The following SEMA3A variants were observed in gnomAD, a reference collection of about 807,000 sequenced individuals.
SEMA3A encodes semaphorin-3A.
SEMA3A carries 29 observed loss-of-function variants against 97.9 expected under a neutral mutation model. The observed-to-expected ratio is 0.30, with a 90% CI of 0.22 to 0.40. The LOEUF is 0.40. SEMA3A is among the 10% of genes least tolerant of loss of function. The probability of loss-of-function intolerance (pLI) is 1.00; values close to 1 mark genes in which losing one functional copy is unlikely to be tolerated. For synonymous variants in SEMA3A, 321 were observed against 323.7 expected, an observed-to-expected ratio of 0.99 and a Z score of 0.09; for missense variants, 763 against 951.3, an observed-to-expected ratio of 0.80 and a Z score of 2.60.
intron 3 of SEMA3A, among the ~76,000 whole-genome samples, chr7:84,234,435 T>C (rs189000630): frequency 1.3e-5 from 2 of 152,198 alleles, no homozygotes; most frequent in East Asian, 3.9e-4. Context: ...ACACACGATA[T>C]TCAGTTATGC....
At chr7:84,390,844 G>T (rs1008270281) in intron 1 of SEMA3A, among the ~76,000 whole-genome samples, 1 of 152,156 alleles carries the variant, frequency 6.6e-6, no homozygotes, top group Non-Finnish European at 1.5e-5. Context: ...TGGTGAATGA[G>T]GAGTTAAAAA....
At chr7:84,258,449 G>A (rs1025981933) in intron 3 of SEMA3A, among the ~76,000 whole-genome samples, 4 of 152,076 alleles carry the variant, frequency 2.6e-5, no homozygotes, top group Non-Finnish European at 4.4e-5. Context: ...GTAATCCAAA[G>A]AAAGATTTAT....
At chr7:84,368,440 C>G (rs1211138075) in intron 2 of SEMA3A, among the ~76,000 whole-genome samples, 1 of 150,848 alleles carries the variant, frequency 6.6e-6, no homozygotes, top group Non-Finnish European at 1.5e-5. Flanking sequence ...ATTTTAAAAG[C>G]AAGGTAGTTA....
At chr7:84,209,244 A>G (rs1436276972) in intron 3 of SEMA3A, among the ~76,000 whole-genome samples, 1 of 152,190 alleles carries the variant, frequency 6.6e-6, no homozygotes, top group Non-Finnish European at 1.5e-5. Flanking sequence ...TTACTCAGTG[A>G]TCCAAGTAGG....
chr7:83,975,456 A>G (rs1789105311), intron 15 of SEMA3A, among the ~76,000 whole-genome samples: 1 of 152,156 alleles, frequency 6.6e-6, no homozygotes, highest in Admixed American at 6.5e-5. Context: ...AATGTATGAC[A>G]TAAGGTATTT....
chr7:84,163,658 A>G (rs1413398279), intron 1 of SEMA3A, among the ~76,000 whole-genome samples: 1 of 152,152 alleles, frequency 6.6e-6, no homozygotes, highest in Non-Finnish European at 1.5e-5. Context: ...AATGGTATAA[A>G]TAAATATTTT....
chr7:84,218,074 T>C (rs767229043), intron 3 of SEMA3A, among the ~76,000 whole-genome samples: 5 of 152,150 alleles, frequency 3.3e-5, no homozygotes, highest in Non-Finnish European at 5.9e-5. Flanking sequence ...TGATATTTTT[T>C]GTATAATTTA....
chr7:84,260,747 T>C (rs921489218), intron 3 of SEMA3A, among the ~76,000 whole-genome samples: 2 of 152,072 alleles, frequency 1.3e-5, no homozygotes, highest in African/African-American at 4.8e-5. Context: ...TGAGGGAGGA[T>C]TGGCATAGGC....
intron 1 of SEMA3A, among the ~76,000 whole-genome samples, chr7:84,171,903 C>T (rs1297443305): frequency 1.3e-5 from 2 of 152,022 alleles, no homozygotes; most frequent in African/African-American, 2.4e-5. Context: ...CAATTCAAAC[C>T]ATATCAGGCT....
intron 4 of SEMA3A, among the ~76,000 whole-genome samples, chr7:84,068,727 C>T (rs952758943): frequency 1.3e-5 from 2 of 152,086 alleles, no homozygotes; most frequent in African/African-American, 4.8e-5. Flanking sequence ...GTTAATCAGA[C>T]AGTGCCAAGG....
intron 4 of SEMA3A, among the ~76,000 whole-genome samples, chr7:84,099,743 T>C (rs1794899288): frequency 6.6e-6 from 1 of 152,172 alleles, no homozygotes. Context: ...GATATCTTGA[T>C]GTTTTCATTT....
intron 12 of SEMA3A, among the ~76,000 whole-genome samples, chr7:83,991,962 G>C (rs1298654440): frequency 1.4e-5 from 2 of 145,782 alleles, no homozygotes; most frequent in Middle Eastern, 3.5e-3. Flanking sequence ...GACTCTTTTT[G>C]GTTGGTAAGC....
At position 84,105,492 on chromosome 7, in the gene SEMA3A, T is replaced by C. The variant is rs147994587; in HGVS notation, c.453+4978A>G. Among the ~76,000 whole-genome samples the C allele has an allele frequency of 6.5e-3, 992 of 152,288 alleles. 6 individuals carry two copies. Among genetic ancestry groups the C allele is most frequent in the African/African-American group, 0.022 (917 of 41,580 alleles). ...CCTTAGAGATAGCCATTAAGCCTCATTGCATTTCTTAATGTCCCTTTGGTT... is the reference window on the plus strand; with the variant it reads ...CCTTAGAGATAGCCATTAAGCCTCACTGCATTTCTTAATGTCCCTTTGGTT... On this transcript the variant is annotated intron_variant, in intron 4 of 16. Coordinates refer to ENST00000265362, the MANE Select transcript of SEMA3A (RefSeq NM_006080.3).
chr7:84,158,314 C>T (rs187630569), intron 1 of SEMA3A, among the ~76,000 whole-genome samples: 2 of 151,938 alleles, frequency 1.3e-5, no homozygotes, highest in Non-Finnish European at 2.9e-5. Context: ...ACCACCACAC[C>T]GGGCTAATTT....
intron 4 of SEMA3A, among the ~76,000 whole-genome samples, chr7:84,099,996 G>A (rs868787430): frequency 1.3e-5 from 2 of 152,034 alleles, no homozygotes; most frequent in African/African-American, 2.4e-5. Flanking sequence ...TAACTTTCTC[G>A]TCTCCTTTTT....
intron 1 of SEMA3A, among the ~76,000 whole-genome samples, chr7:84,391,626 T>C (rs560202109): frequency 6.6e-5 from 10 of 152,208 alleles, no homozygotes; most frequent in African/African-American, 2.2e-4. Context: ...GTGCTCTTAA[T>C]AGCATTTATT....
In SEMA3A at chr7:83,985,509, T is replaced by C. The variant is rs199881969; in HGVS notation, c.1453-32A>G. The C allele has an allele frequency of 8.1e-5, 128 of 1,588,826 alleles. No individual in the cohort carries two copies. The African/African-American group carries it at 1.6e-3, about 20-fold the overall frequency. On this transcript the variant is annotated intron_variant, in intron 12 of 16. Transcript: ENST00000265362. ...GAGAAAAAGAAATATGTGAGGTGTT[T>C]GGTCAATTAGAACAGCCAGCTATTA...
intron 3 of SEMA3A, among the ~76,000 whole-genome samples, chr7:84,119,850 A>G (rs1795549580): frequency 2.0e-5 from 3 of 152,174 alleles, no homozygotes; most frequent in Admixed American, 2.0e-4. Context: ...AAATCATGAT[A>G]ATAAACCTTC....
chr7:84,132,657 T>C (rs1452536377), intron 2 of SEMA3A, among the ~76,000 whole-genome samples: 1 of 140,940 alleles, frequency 7.1e-6, no homozygotes, highest in Non-Finnish European at 1.5e-5. Context: ...CTTCATCGAC[T>C]TGGTGTTTTT....
Sources: gnomAD v4.1 joint callset for allele counts (sites outside exome capture counted in the v4.1 genomes callset) on GRCh38, gnomAD v4.1.1 for gene constraint, MANE v1.5 for transcripts, NCBI Gene and HGNC (gene_info 2026-07-23, HGNC 2026-07-21) for gene names.